Variants in SYT12 observed in about 807,000 individuals in gnomAD.
The protein encoded by SYT12 is synaptotagmin 12, also known as synaptotagmin-12.
In SYT12, 27 loss-of-function variants were observed where a neutral mutation model predicts 39.5. That is an observed-to-expected ratio of 0.68 (90% CI 0.50 to 0.94). The LOEUF (loss-of-function observed/expected upper bound fraction) is 0.94. Ranked by LOEUF, SYT12 falls within the 40% of genes least tolerant of loss-of-function variation. The pLI is 0.00. For synonymous variants in SYT12, 233 were observed against 239.7 expected, an observed-to-expected ratio of 0.97 and a Z score of 0.26; for missense variants, 536 against 572.6, an observed-to-expected ratio of 0.94 and a Z score of 0.65.
Position 67,017,983 on chromosome 11 carries a change from C to T in SYT12, c.-68-3886C>T, listed in dbSNP as rs199791944. ...ATCAAAGAAAAAAAATTTTAAAGGCCGGGCGCGGTGGCTCACACATGTAAT... is the reference window on the plus strand; with the variant it reads ...ATCAAAGAAAAAAAATTTTAAAGGCTGGGCGCGGTGGCTCACACATGTAAT... On this transcript the variant is annotated intron_variant, in intron 3 of 10. Transcript: ENST00000393946. 6.7e-5 allele frequency among the ~76,000 whole-genome samples: 10 copies of T among 149,166 alleles called. No homozygotes were observed. The East Asian group carries it at 1.2e-3, about 18-fold the overall frequency.
At chr11:67,015,473 G>A (rs1019139746) in intron 3 of SYT12, among the ~76,000 whole-genome samples, 3 of 151,890 alleles carry the variant, frequency 2.0e-5, no homozygotes, top group African/African-American at 7.3e-5. Flanking sequence ...GGCGGTGGTG[G>A]GGGGTTGTGG....
Position 67,015,190 on chromosome 11 carries a change from G to A in SYT12, c.-69+4196G>A, listed in dbSNP as rs576790964. On this transcript the variant is annotated intron_variant, in intron 3 of 10. Coordinates refer to the SYT12 transcript ENST00000393946. ...AGCTTCCCCCAACCAAGGGGATCCC[G>A]GTGACAGGTGGAAAGGCAGCGCAGG... Among the ~76,000 whole-genome samples, 236 of 152,306 alleles carry A rather than the reference G, an allele frequency of 1.5e-3. 2 individuals carry two copies. The highest frequency in any genetic ancestry group is 5.6e-3 in the African/African-American group (231 of 41,568).
chr11:67,048,779 G>A lies in SYT12; in HGVS notation c.*22G>A, dbSNP rs1005113992. The stretch of plus-strand genomic sequence containing the variant: ...CTAGCAACCAGGGCGGGCCAGTTGG[G>A]CAATGGAGCTGCTGGAGCCCGGTAC... On this transcript the variant is annotated 3_prime_UTR_variant, in exon 8 of 8. Transcript: ENST00000527043. The A allele has an allele frequency of 1.9e-6, 3 of 1,583,404 alleles. No homozygotes were observed. The African/African-American group carries it at 4.0e-5, about 21-fold the overall frequency.
chr11:67,019,440 C>G (rs562702470), upstream of SYT12, among the ~76,000 whole-genome samples: 2 of 151,780 alleles, frequency 1.3e-5, no homozygotes, highest in Non-Finnish European at 2.9e-5. Flanking sequence ...CCATTGCACT[C>G]CAGCCTGGGC....
At chr11:67,043,495 C>G in intron 4 of SYT12, 143 bp from the exon 5 acceptor site, 1 of 771,196 alleles carries the variant, frequency 1.3e-6, no homozygotes, top group Non-Finnish European at 2.1e-6. Context: ...AAGGCTGAGC[C>G]ACCAAAGGAA....
chr11:67,045,698 G>T (rs764196290), intron 6 of SYT12, 46 bp from the exon 7 acceptor site: 1 of 1,604,480 alleles, frequency 6.2e-7, no homozygotes, highest in South Asian at 1.1e-5. Context: ...GCAGGGCTGT[G>T]GTGAGTGAGT....
In SYT12 at chr11:67,045,636, A is replaced by G. The variant is rs113819863; in HGVS notation, c.959-108A>G. The G allele has an allele frequency of 2.5e-3, 3,644 of 1,458,118 alleles. 70 individuals are homozygous for G. In the African/African-American group the frequency reaches 0.044, roughly 17 times the overall value. 90.3% of individuals were successfully genotyped at this position (1,458,118 alleles called of 1,614,324 possible). On this transcript the variant is annotated intron_variant, in intron 6 of 7. Coordinates refer to ENST00000527043, the MANE Select transcript of SYT12 (RefSeq NM_177963.4). ...CAATGGCAGGGCTGCAGGAGGTCAC[A>G]GCAACAGTTAAGCATTGGGGAGTTT...
chr11:67,017,988 G>A (rs577101102), intron 3 of SYT12, among the ~76,000 whole-genome samples: 5 of 150,618 alleles, frequency 3.3e-5, no homozygotes, highest in Non-Finnish European at 5.9e-5. Flanking sequence ...AAGGCCGGGC[G>A]CGGTGGCTCA....
rs1174709655 is a variant in SYT12 at position 67,009,490 on chromosome 11, C to T, written c.-484-389C>T. ...TATTTTTAGTAGAGACTGGGTTTCA[C>T]CATGTTGGCCAGGCTGGTCTCGAAC... On this transcript the variant is annotated intron_variant, in intron 1 of 10. Coordinates refer to the SYT12 transcript ENST00000393946. 2.0e-5 allele frequency among the ~76,000 whole-genome samples: 3 copies of T among 152,124 alleles called. No homozygotes were observed. The East Asian group carries it at 5.8e-4, about 29-fold the overall frequency.
upstream of SYT12, among the ~76,000 whole-genome samples, chr11:67,022,239 C>T (rs1317737988): frequency 2.0e-5 from 3 of 152,196 alleles, no homozygotes; most frequent in African/African-American, 7.2e-5. Context: ...TGCCCACAGG[C>T]TGCCCTCAGC....
At chr11:67,033,909 G>C (rs952166969) in intron 2 of SYT12, among the ~76,000 whole-genome samples, 1 of 152,128 alleles carries the variant, frequency 6.6e-6, no homozygotes, top group Non-Finnish European at 1.5e-5. Context: ...TTCCGTTTTC[G>C]GGGGCAGCAA....
At chr11:67,007,391 T>A (rs182764929) in exon 1 of SYT12, 2 of 152,410 alleles carry the variant, frequency 1.3e-5, no homozygotes, top group Non-Finnish European at 2.9e-5. Flanking sequence ...TCTCAGGTTC[T>A]GAAGGACCCA....
chr11:67,013,275 C>T (rs1173552821), intron 3 of SYT12, among the ~76,000 whole-genome samples: 1 of 152,190 alleles, frequency 6.6e-6, no homozygotes, highest in Non-Finnish European at 1.5e-5. Context: ...TGCCCCAACT[C>T]GGGGTCATTT....
chr11:67,017,708 C>G (rs564373161), intron 3 of SYT12, among the ~76,000 whole-genome samples: 3 of 151,842 alleles, frequency 2.0e-5, no homozygotes, highest in Admixed American at 2.0e-4. Context: ...ACCTGTAATC[C>G]CAGCACTTTG....
chr11:67,040,446 A>G (rs1950489567), intron 4 of SYT12, among the ~76,000 whole-genome samples: 1 of 152,144 alleles, frequency 6.6e-6, no homozygotes, highest in East Asian at 1.9e-4. Context: ...TGAATACAGA[A>G]TGTGGCAACT....
chr11:67,011,190 C>G (rs1164867822), intron 3 of SYT12, among the ~76,000 whole-genome samples: 1 of 152,144 alleles, frequency 6.6e-6, no homozygotes, highest in East Asian at 1.9e-4. Context: ...AGATCCCCAT[C>G]TCTAACAAAA....
At position 67,023,223 on chromosome 11, in the gene SYT12, G is replaced by A. The variant is rs1177469635; in HGVS notation, c.-261G>A. On this transcript the variant is annotated 5_prime_UTR_variant, in exon 1 of 8. Transcript: ENST00000527043. Reference sequence around the variant, plus strand: ...AGCGGGCGGGCAAGCGGGCGAGCGCGAGGGAGCGCGCGGCGGGCTCCTGGG... The same window carrying A: ...AGCGGGCGGGCAAGCGGGCGAGCGCAAGGGAGCGCGCGGCGGGCTCCTGGG... 1 of 151,590 alleles carries A rather than the reference G, an allele frequency of 6.6e-6. No homozygotes were observed. The highest frequency in any genetic ancestry group is 1.5e-5 in the Non-Finnish European group (1 of 67,858). The allele number at this position is 151,590 out of a possible 1,614,324, so 9.4% of individuals were successfully genotyped here. A position where few individuals can be genotyped will look rare whatever the true frequency, so the allele number is the denominator to read the frequency against.
chr11:67,030,233 G>C, intron 2 of SYT12, 55 bp downstream of exon 2: 1 of 1,593,948 alleles, frequency 6.3e-7, no homozygotes, highest in South Asian at 1.1e-5. Context: ...CCTTACACCA[G>C]GCCTGGGTGG....
chr11:67,048,901 T>C lies in SYT12; in HGVS notation c.*144T>C. 3 of 953,096 alleles carry C rather than the reference T, an allele frequency of 3.1e-6. No homozygotes were observed. Among genetic ancestry groups the C allele is most frequent in the Non-Finnish European group, 4.6e-6 (3 of 655,830 alleles). 59.0% of individuals were successfully genotyped at this position (953,096 alleles called of 1,614,324 possible). On this transcript the variant is annotated 3_prime_UTR_variant, in exon 8 of 8. Coordinates refer to ENST00000527043, the MANE Select transcript of SYT12 (RefSeq NM_177963.4). ...TCCTCATGACCCATCCTGGTCTCTCTGTCCAGATTGCAGCAGAGGAGTGGG... is the reference window on the plus strand; with the variant it reads ...TCCTCATGACCCATCCTGGTCTCTCCGTCCAGATTGCAGCAGAGGAGTGGG...
Sources: allele counts gnomAD v4.1 joint callset (sites outside exome capture counted in the v4.1 genomes callset), GRCh38; gene constraint gnomAD v4.1.1; transcripts MANE v1.5; gene names NCBI Gene and HGNC (gene_info 2026-07-23, HGNC 2026-07-21).